The following GLIS3 variants were observed in gnomAD, a reference collection of about 807,000 sequenced individuals.
GLIS3 encodes GLIS family zinc finger 3, also known as zinc finger protein GLIS3.
GLIS3 carries 53 observed loss-of-function variants against 78.6 expected under a neutral mutation model. That is an observed-to-expected ratio of 0.67 (90% confidence interval 0.54 to 0.85). The LOEUF (loss-of-function observed/expected upper bound fraction) is 0.85, where lower values mean the gene tolerates loss of function less well. Ranked by LOEUF, GLIS3 falls within the 40% of genes least tolerant of loss-of-function variation. The pLI is 0.00. For synonymous variants in GLIS3, 684 were observed against 509.9 expected (o/e 1.34, Z -4.60); for missense variants, 1,703 against 1,231.1 (o/e 1.38, Z -5.74).
At chr9:4,125,650 G>A in intron 3 of GLIS3, 84 bp downstream of exon 3, 3 of 887,622 alleles carry the variant, frequency 3.4e-6, no homozygotes, top group Non-Finnish European at 5.7e-6. Context: ...GTGTGTGTGT[G>A]TGTGTATTCA....
chr9:4,473,460 C>CAAAAAAAAAAAAAAAAAAAAAAAAAAA, the GLIS3 span, among the ~76,000 whole-genome samples: 3 of 131,292 alleles, frequency 2.3e-5, no homozygotes, highest in Admixed American at 8.2e-5. Flanking sequence ...ACAACAACAA[C>CAAAAAAAAAAAAAAAAAAAAAAAAAAA]AAAAAAAAAG....
chr9:4,421,218 C>T, the GLIS3 span, among the ~76,000 whole-genome samples: 2 of 152,168 alleles, frequency 1.3e-5, no homozygotes, highest in African/African-American at 4.8e-5. Flanking sequence ...TATGACAGGA[C>T]CAGCTTACTA....
Position 4,118,790 on chromosome 9 carries a change from C to G in GLIS3, c.688G>C (p.Gly230Arg). The change falls in exon 4 of 11, where the codon GGC (glycine) becomes CGC (arginine). Residue 230 changes from glycine (G) to arginine (R), a missense_variant. Physicochemically the swap from Gly to Arg is moderately radical, Grantham distance 125. Coordinates refer to ENST00000381971, the MANE Select transcript of GLIS3 (RefSeq NM_001042413.2). The surrounding 1 kb of genome is among the most constrained non-coding windows in gnomAD (Gnocchi z 4.7). ...ASSMKQEWSQ[G>R]YRALPSLSNH... The stretch of plus-strand genomic sequence containing the variant: ...GAGAGCGAAGGGAGGGCCCTGTAGC[C>G]CTGGGACCACTCCTGCTTCATGCTT... The G allele has an allele frequency of 6.2e-7, 1 of 1,611,468 alleles. No homozygotes were observed. The highest frequency in any genetic ancestry group is 1.6e-4 in the Middle Eastern group (1 of 6,062).
At chr9:4,082,075 C>G (rs1828593527) in intron 4 of GLIS3, among the ~76,000 whole-genome samples, 1 of 152,178 alleles carries the variant, frequency 6.6e-6, no homozygotes, top group South Asian at 2.1e-4. Context: ...GAGTTTTCCT[C>G]TGGAAAGATT....
At chr9:4,369,410 T>C in the GLIS3 span, among the ~76,000 whole-genome samples, 14 of 152,230 alleles carry the variant, frequency 9.2e-5, no homozygotes, top group Admixed American at 5.9e-4. Flanking sequence ...GTCAGAAGAA[T>C]TGATTGCAAA....
intron 9 of GLIS3, among the ~76,000 whole-genome samples, chr9:3,836,580 C>T (rs1818365231): frequency 6.6e-6 from 1 of 152,208 alleles, no homozygotes; most frequent in Non-Finnish European, 1.5e-5. Flanking sequence ...TTTTGGGGCC[C>T]TTGGCCTACC....
chr9:4,040,112 A>G (rs1303094381), intron 4 of GLIS3, among the ~76,000 whole-genome samples: 1 of 152,182 alleles, frequency 6.6e-6, no homozygotes, highest in African/African-American at 2.4e-5. Flanking sequence ...CAGTCCTGGT[A>G]CTTAACTGGC....
intron 4 of GLIS3, among the ~76,000 whole-genome samples, chr9:4,082,832 T>C (rs1245812320): frequency 6.6e-6 from 1 of 152,240 alleles, no homozygotes; most frequent in Admixed American, 6.5e-5. Flanking sequence ...TCATATTCAC[T>C]TTCGAAACAG....
intron 4 of GLIS3, among the ~76,000 whole-genome samples, chr9:3,946,806 G>T (rs571732150): frequency 5.3e-5 from 8 of 152,180 alleles, no homozygotes; most frequent in Non-Finnish European, 1.2e-4. Flanking sequence ...TAAAGGAAAA[G>T]AAACTGTTTT....
chr9:4,304,085 G>A (rs546731488), upstream of GLIS3, among the ~76,000 whole-genome samples: 364 of 152,300 alleles, frequency 2.4e-3, 3 homozygotes, highest in Non-Finnish European at 2.9e-3. Flanking sequence ...CTGATAAATG[G>A]ATTAATTAAT....
the GLIS3 span, among the ~76,000 whole-genome samples, chr9:4,443,919 G>C: frequency 2.0e-5 from 3 of 152,172 alleles, no homozygotes; most frequent in African/African-American, 4.8e-5. Context: ...CAATTCCACT[G>C]TGTGTGTCTC....
At chr9:4,434,167 G>A in the GLIS3 span, among the ~76,000 whole-genome samples, 1 of 151,002 alleles carries the variant, frequency 6.6e-6, no homozygotes, top group South Asian at 2.1e-4. Context: ...GGGTACTCAG[G>A]CCAATGCCAC....
At chr9:4,032,947 G>A (rs1434746736) in intron 4 of GLIS3, among the ~76,000 whole-genome samples, 3 of 151,914 alleles carry the variant, frequency 2.0e-5, no homozygotes, top group East Asian at 1.9e-4. Context: ...TCCGCCTCCC[G>A]GGTTCACACC....
the GLIS3 span, among the ~76,000 whole-genome samples, chr9:4,438,700 A>G: frequency 5.3e-5 from 8 of 152,152 alleles, no homozygotes; most frequent in African/African-American, 1.9e-4. Context: ...TGCTGTTCTC[A>G]TGGTAGTGAA....
At chr9:4,334,070 G>C (rs1168038885) in intron 2 of GLIS3, among the ~76,000 whole-genome samples, 2 of 152,146 alleles carry the variant, frequency 1.3e-5, no homozygotes, top group Non-Finnish European at 2.9e-5. Flanking sequence ...TCATAATTCA[G>C]AGGGCTTGAA....
At chr9:4,375,191 T>C in the GLIS3 span, among the ~76,000 whole-genome samples, 4 of 152,190 alleles carry the variant, frequency 2.6e-5, no homozygotes, top group South Asian at 4.1e-4. Context: ...ATAATCAGCC[T>C]CGTTCAAAAG....
intron 4 of GLIS3, among the ~76,000 whole-genome samples, chr9:3,982,230 A>G (rs907580061): frequency 3.3e-5 from 5 of 150,854 alleles, no homozygotes; most frequent in South Asian, 4.2e-4. Flanking sequence ...TTTTTCCTAC[A>G]TAGCTACATA....
At chr9:4,153,431 G>C (rs946781314) in intron 2 of GLIS3, among the ~76,000 whole-genome samples, 1 of 152,092 alleles carries the variant, frequency 6.6e-6, no homozygotes, top group African/African-American at 2.4e-5. Flanking sequence ...AGGTGTGCTT[G>C]TGCACTCCTG....
intron 2 of GLIS3, among the ~76,000 whole-genome samples, chr9:4,203,891 G>A (rs1349143506): frequency 2.6e-5 from 4 of 152,200 alleles, no homozygotes; most frequent in Admixed American, 2.0e-4. Context: ...TCATTTATAA[G>A]TAGGAGCCAA....
Sources: gnomAD v4.1 joint callset for allele counts (sites outside exome capture counted in the v4.1 genomes callset) on GRCh38, gnomAD v4.1.1 for gene constraint, Gnocchi (gnomAD v3.1) non-coding constraint, MANE v1.5 for transcripts, NCBI Gene and HGNC (gene_info 2026-07-23, HGNC 2026-07-21) for gene names.